Variants in ARMC9 observed in about 807,000 individuals in gnomAD.
ARMC9 encodes lisH domain-containing protein ARMC9.
In ARMC9, 94 loss-of-function variants were observed where a neutral mutation model predicts 107.0. The ratio of observed to expected loss-of-function variants is 0.88; its 90% confidence interval spans 0.74 to 1.04. ARMC9 has a LOEUF of 1.04. Among genes scored for constraint, ARMC9 ranks in the 50% least tolerant of loss-of-function variants. The pLI is 0.00. For synonymous variants in ARMC9, 380 were observed against 396.9 expected (o/e 0.96, Z 0.51); for missense variants, 942 against 1,030.1 (o/e 0.91, Z 1.17).
At position 231,231,536 on chromosome 2, in the gene ARMC9, A is replaced by T. The variant is rs375423196; in HGVS notation, c.623-3688A>T. Among the ~76,000 whole-genome samples the T allele has an allele frequency of 5.3e-3, 803 of 151,982 alleles. 10 individuals are homozygous for T. Among genetic ancestry groups the T allele is most frequent in the African/African-American group, 0.019 (770 of 41,402 alleles). ...GTAGCTGGGATTACAGGCGCATGCC[A>T]CCATGCCCAGCTAATTTTTGTACTT... On this transcript the variant is annotated intron_variant, in intron 7 of 24. Coordinates refer to ENST00000611582, the MANE Select transcript of ARMC9 (RefSeq NM_001352754.2).
chr2:231,332,139 G>C (rs935832157), intron 20 of ARMC9, among the ~76,000 whole-genome samples: 13 of 152,302 alleles, frequency 8.5e-5, no homozygotes, highest in Admixed American at 3.3e-4. Flanking sequence ...CATATGCCAG[G>C]GGCCTTTGGA....
rs927235500 is a variant in ARMC9, at chr2:231,360,939, G to A, written c.2261+56G>A. The A allele has an allele frequency of 2.9e-5, 42 of 1,460,962 alleles. No individual in the cohort carries two copies. The African/African-American group carries it at 3.1e-4, about 11-fold the overall frequency. The allele number at this position is 1,460,962 out of a possible 1,614,324, so 90.5% of individuals were successfully genotyped here. A position where few individuals can be genotyped will look rare whatever the true frequency, so the allele number is the denominator to read the frequency against. The stretch of plus-strand genomic sequence containing the variant: ...GACTCTCGGAGCTCTGGGAGTGGGC[G>A]CCCCACGCCGGATGCAGAGCACCCA... On this transcript the variant is annotated intron_variant, in intron 23 of 24. Coordinates refer to ENST00000611582, the MANE Select transcript of ARMC9 (RefSeq NM_001352754.2). This position sits in a 1 kb window ranked among gnomAD's most constrained non-coding sequence, Gnocchi z 4.7.
intron 18 of ARMC9, chr2:231,295,246 C>T (rs779187629): frequency 3.9e-5 from 6 of 152,236 alleles, no homozygotes; most frequent in South Asian, 2.1e-4. Flanking sequence ...AGGAGTAAGT[C>T]AGCTGCTCTG....
chr2:231,205,668 C>T (rs567954027), intron 1 of ARMC9, among the ~76,000 whole-genome samples: 2 of 152,292 alleles, frequency 1.3e-5, no homozygotes, highest in Admixed American at 1.3e-4. Context: ...TGACCATAAA[C>T]TGAGTGGTGT....
At chr2:231,329,083 A>G (rs2043544232) in intron 19 of ARMC9, among the ~76,000 whole-genome samples, 1 of 151,716 alleles carries the variant, frequency 6.6e-6, no homozygotes, top group Non-Finnish European at 1.5e-5. Context: ...GGCCTCCCAA[A>G]GTGCTGGGAT....
chr2:231,258,946 C>T, intron 10 of ARMC9, 45 bp from the exon 11 acceptor site: 1 of 1,506,196 alleles, frequency 6.6e-7, no homozygotes, highest in African/African-American at 1.4e-5. Flanking sequence ...AATAAACATG[C>T]CCTTTTGCCC....
rs76366341 is a variant in ARMC9 at position 231,230,227 on chromosome 2, G to A, written c.622+3429G>A. Among the ~76,000 whole-genome samples, 235 of 152,068 alleles carry A rather than the reference G, an allele frequency of 1.5e-3. 4 individuals carry two copies. The East Asian group carries it at 0.038, about 24-fold the overall frequency. On this transcript the variant is annotated intron_variant, in intron 7 of 24. Coordinates refer to ENST00000611582, the MANE Select transcript of ARMC9 (RefSeq NM_001352754.2). ...AACTAAAAAAAATTAACCGAGCGTG[G>A]CGACGTACATCTGAAGTCCCAGCTA...
intron 21 of ARMC9, among the ~76,000 whole-genome samples, chr2:231,346,575 G>T (rs950355244): frequency 6.6e-6 from 1 of 152,146 alleles, no homozygotes; most frequent in Non-Finnish European, 1.5e-5. Context: ...ACATTTGTGT[G>T]CCCTATCTCT....
chr2:231,312,165 C>T lies in ARMC9; in HGVS notation c.1773+15912C>T, dbSNP rs114272631. Among the ~76,000 whole-genome samples the T allele has an allele frequency of 3.0e-3, 451 of 152,266 alleles. 1 individual carries two copies. The highest frequency in any genetic ancestry group is 0.01 in the African/African-American group (428 of 41,552). On this transcript the variant is annotated intron_variant, in intron 19 of 24. Coordinates refer to ENST00000611582, the MANE Select transcript of ARMC9 (RefSeq NM_001352754.2). ...CTGGACTTACTCATGTGGCTTCATTCGGCTGGATGTCAGCTGGGCCGGAAG... is the reference window on the plus strand; with the variant it reads ...CTGGACTTACTCATGTGGCTTCATTTGGCTGGATGTCAGCTGGGCCGGAAG...
rs200701825 is a variant in ARMC9, at chr2:231,209,490, CTG to C, written c.177+1240_177+1241del. ...CTAGAATATTTCCATTGACTAGAGA[CTG>C]TACCATTTCCTGAGACAGCATGTTT... On this transcript the variant is annotated intron_variant, in intron 3 of 24. Transcript: ENST00000611582. Among the ~76,000 whole-genome samples, 1,454 of 152,298 alleles carry C rather than the reference CTG, an allele frequency of 9.5e-3. 9 individuals are homozygous for C. The highest frequency in any genetic ancestry group is 0.015 in the Non-Finnish European group (1,015 of 68,008).
intron 19 of ARMC9, among the ~76,000 whole-genome samples, chr2:231,311,776 A>G (rs2042366374): frequency 6.7e-6 from 1 of 148,506 alleles, no homozygotes. Flanking sequence ...TCGCCAAAAA[A>G]AAAAAAAAAA....
intron 23 of ARMC9, among the ~76,000 whole-genome samples, chr2:231,367,265 G>A (rs936318326): frequency 1.3e-5 from 2 of 152,078 alleles, no homozygotes; most frequent in Non-Finnish European, 2.9e-5. Context: ...CTTGAGGTGG[G>A]ACGTTACGGA....
intron 6 of ARMC9, among the ~76,000 whole-genome samples, chr2:231,225,634 T>C (rs773096420): frequency 1.5e-4 from 23 of 152,154 alleles, no homozygotes; most frequent in Admixed American, 3.3e-4. Context: ...GGACCAGGTA[T>C]TATATGACTC....
chr2:231,234,265 C>A (rs932407971), intron 7 of ARMC9, among the ~76,000 whole-genome samples: 1 of 152,158 alleles, frequency 6.6e-6, no homozygotes. Flanking sequence ...TGAGGATTTG[C>A]CTATTCCTGC....
chr2:231,331,653 C>T (rs904407476), intron 19 of ARMC9, 140 bp from the exon 20 acceptor site: 4 of 679,774 alleles, frequency 5.9e-6, no homozygotes, highest in Non-Finnish European at 7.5e-6. Flanking sequence ...GCCCCTGAGC[C>T]CCCTTGGAAT....
chr2:231,202,593 A>G (rs950582129), intron 1 of ARMC9, among the ~76,000 whole-genome samples: 3 of 152,204 alleles, frequency 2.0e-5, no homozygotes, highest in African/African-American at 7.2e-5. Flanking sequence ...AAGTGCCAAG[A>G]TTACAGGTGT....
At chr2:231,282,010 G>C in intron 16 of ARMC9, 49 bp from the exon 17 acceptor site, 1 of 1,543,336 alleles carries the variant, frequency 6.5e-7, no homozygotes, top group South Asian at 1.1e-5. Context: ...ATAGAGTTGT[G>C]CAGTATTTGA....
intron 13 of ARMC9, among the ~76,000 whole-genome samples, chr2:231,272,003 GA>G (rs1044821504): frequency 1.3e-5 from 2 of 151,172 alleles, no homozygotes; most frequent in East Asian, 1.9e-4. Flanking sequence ...GGATTTCATG[GA>G]AAAAAAAGGA....
chr2:231,343,207 C>A (rs2044623248), intron 20 of ARMC9, among the ~76,000 whole-genome samples: 1 of 151,940 alleles, frequency 6.6e-6, no homozygotes, highest in South Asian at 2.1e-4. Flanking sequence ...GCCACTGTAC[C>A]CGGACCAGGG....
Sources: allele counts gnomAD v4.1 joint callset (sites outside exome capture counted in the v4.1 genomes callset), GRCh38; gene constraint gnomAD v4.1.1; non-coding constraint Gnocchi (gnomAD v3.1); transcripts MANE v1.5; gene names NCBI Gene and HGNC (gene_info 2026-07-23, HGNC 2026-07-21).